SOX6: variants seen among roughly 807,000 people sequenced by gnomAD.
The protein encoded by SOX6 is SRY-box transcription factor 6, also known as transcription factor SOX-6.
In SOX6, 11 loss-of-function variants were observed where a neutral mutation model predicts 97.8. That is an observed-to-expected ratio of 0.11 (90% confidence interval 0.07 to 0.19). The LOEUF is 0.19. Ranked by LOEUF, SOX6 falls within the 10% of genes least tolerant of loss-of-function variation. The pLI is 1.00. For missense variants in SOX6, 810 were observed against 1,039.5 expected (o/e 0.78, Z 3.04); for synonymous variants, 360 against 371.4 (o/e 0.97, Z 0.35).
chr11:16,504,469 A>C (rs1860753727), intron 4 of SOX6, among the ~76,000 whole-genome samples: 1 of 152,114 alleles, frequency 6.6e-6, no homozygotes, highest in East Asian at 1.9e-4. Context: ...AAAGAAATCA[A>C]GAGGGCAATC....
chr11:16,657,475 T>C (rs940241510), intron 3 of SOX6, among the ~76,000 whole-genome samples: 1 of 152,230 alleles, frequency 6.6e-6, no homozygotes, highest in Admixed American at 6.5e-5. Flanking sequence ...ATGCAATTGC[T>C]AGATCATATT....
At chr11:16,485,451 G>A (rs1298630956) in intron 4 of SOX6, among the ~76,000 whole-genome samples, 1 of 151,990 alleles carries the variant, frequency 6.6e-6, no homozygotes, top group East Asian at 1.9e-4. Flanking sequence ...TAGCCAGGCT[G>A]CCAGGTGCAG....
intron 6 of SOX6, among the ~76,000 whole-genome samples, chr11:16,130,165 G>GA (rs1265461441): frequency 6.6e-6 from 1 of 151,268 alleles, no homozygotes; most frequent in African/African-American, 2.4e-5. Flanking sequence ...TAAACAATTA[G>GA]AAAAAAATTA....
intron 4 of SOX6, among the ~76,000 whole-genome samples, chr11:16,214,820 G>A (rs1852327670): frequency 1.3e-5 from 2 of 150,030 alleles, no homozygotes; most frequent in African/African-American, 2.5e-5. Flanking sequence ...CACCATCTCG[G>A]CTCACTGCAA....
chr11:16,388,437 G>C (rs1364103000), intron 1 of SOX6, among the ~76,000 whole-genome samples: 5 of 152,082 alleles, frequency 3.3e-5, no homozygotes, highest in Non-Finnish European at 7.4e-5. Flanking sequence ...AAATGAGGTA[G>C]AAATTGTTCT....
At chr11:16,246,661 T>A (rs1252612156) in intron 3 of SOX6, among the ~76,000 whole-genome samples, 2 of 152,066 alleles carry the variant, frequency 1.3e-5, no homozygotes, top group Non-Finnish European at 2.9e-5. Flanking sequence ...CTCTTTCATT[T>A]GTTTCCAGCC....
chr11:16,239,402 C>T (rs1045832363), intron 3 of SOX6, among the ~76,000 whole-genome samples: 2 of 152,122 alleles, frequency 1.3e-5, no homozygotes, highest in South Asian at 4.1e-4. Context: ...CTGCTCTTCA[C>T]GCTGGGAAGC....
chr11:16,133,303 G>C (rs955694702), intron 6 of SOX6, among the ~76,000 whole-genome samples: 5 of 152,274 alleles, frequency 3.3e-5, no homozygotes, highest in African/African-American at 1.2e-4. Flanking sequence ...TGAAGGAAAG[G>C]GTGGCCCTAC....
intron 4 of SOX6, among the ~76,000 whole-genome samples, chr11:16,212,257 C>T (rs1309144302): frequency 6.6e-6 from 1 of 152,126 alleles, no homozygotes; most frequent in Non-Finnish European, 1.5e-5. Context: ...CCAGCAGTCT[C>T]CTGTGCCTCT....
At chr11:16,552,989 G>A (rs962201634) in intron 4 of SOX6, among the ~76,000 whole-genome samples, 7 of 151,980 alleles carry the variant, frequency 4.6e-5, no homozygotes, top group Admixed American at 1.3e-4. Context: ...ATGGGAATAT[G>A]GAAATCATTT....
At chr11:16,416,057 T>A (rs1179341994) in intron 1 of SOX6, among the ~76,000 whole-genome samples, 1 of 152,168 alleles carries the variant, frequency 6.6e-6, no homozygotes, top group Non-Finnish European at 1.5e-5. Context: ...ACAATGAACA[T>A]GATCATGGTG....
chr11:16,243,430 A>C (rs1853249864), intron 3 of SOX6, among the ~76,000 whole-genome samples: 1 of 151,922 alleles, frequency 6.6e-6, no homozygotes, highest in Non-Finnish European at 1.5e-5. Flanking sequence ...TGCACATAAT[A>C]AGTGCTAAAA....
chr11:16,701,200 G>A (rs1272231266), intron 3 of SOX6, among the ~76,000 whole-genome samples: 1 of 152,194 alleles, frequency 6.6e-6, no homozygotes, highest in Non-Finnish European at 1.5e-5. Flanking sequence ...CCTTTATAGT[G>A]TAGACATAAA....
At chr11:16,632,150 T>A (rs1848716038) in intron 3 of SOX6, among the ~76,000 whole-genome samples, 1 of 152,208 alleles carries the variant, frequency 6.6e-6, no homozygotes, top group South Asian at 2.1e-4. Flanking sequence ...TACATTCAGA[T>A]TTTTCATGGT....
intron 1 of SOX6, among the ~76,000 whole-genome samples, chr11:16,424,689 T>C (rs991459219): frequency 6.6e-6 from 1 of 152,236 alleles, no homozygotes; most frequent in African/African-American, 2.4e-5. Flanking sequence ...ATGGAATTCC[T>C]AGATGTGAGA....
upstream of SOX6, among the ~76,000 whole-genome samples, chr11:16,477,392 G>A (rs1165791753): frequency 6.6e-6 from 1 of 152,134 alleles, no homozygotes; most frequent in Non-Finnish European, 1.5e-5. Flanking sequence ...AGGAACCACT[G>A]CACCCAACTT....
chr11:16,134,634 A>G (rs995735153), intron 6 of SOX6, among the ~76,000 whole-genome samples: 19 of 152,092 alleles, frequency 1.2e-4, no homozygotes, highest in African/African-American at 4.6e-4. Context: ...TTATTATTAT[A>G]TCTGTTGTAG....
chr11:16,037,998 C>T (rs143312771), intron 12 of SOX6, among the ~76,000 whole-genome samples: 20 of 151,880 alleles, frequency 1.3e-4, no homozygotes, highest in Non-Finnish European at 1.3e-4. Context: ...AGAGGTCAAC[C>T]AATTTTGGAA....
chr11:16,529,860 T>C (rs913525159), intron 4 of SOX6, among the ~76,000 whole-genome samples: 2 of 152,040 alleles, frequency 1.3e-5, no homozygotes, highest in African/African-American at 2.4e-5. Flanking sequence ...TATGTGTCTG[T>C]GCACACCCAG....
Sources: gnomAD v4.1 joint callset for allele counts (sites outside exome capture counted in the v4.1 genomes callset) on GRCh38, gnomAD v4.1.1 for gene constraint, MANE v1.5 for transcripts, NCBI Gene and HGNC (gene_info 2026-07-23, HGNC 2026-07-21) for gene names.